PLAC1: variants seen among roughly 807,000 people sequenced by gnomAD.
PLAC1 encodes placenta-specific protein 1.
For missense variants in PLAC1, 136 were observed against 163.2 expected (o/e 0.83, Z 0.91); for synonymous variants, 68 against 62.1 (o/e 1.09, Z -0.44).
intron 2 of PLAC1, among the ~76,000 whole-genome samples, chrX:134,671,413 T>C (rs2147810852): frequency 9.0e-6 from 1 of 111,299 alleles, no homozygotes; most frequent in Non-Finnish European, 1.9e-5. Context: ...GTTGTATTAG[T>C]CCGTTTTCAC....
intron 2 of PLAC1, among the ~76,000 whole-genome samples, chrX:134,716,278 C>T (rs985592345): frequency 2.7e-5 from 3 of 112,446 alleles, no homozygotes; most frequent in Non-Finnish European, 3.8e-5. Context: ...CGGGGAGCCA[C>T]GAGCTTCACA....
chrX:134,612,370 C>A (rs768654494), intron 1 of PLAC1, among the ~76,000 whole-genome samples: 1 of 111,943 alleles, frequency 8.9e-6, no homozygotes, highest in Non-Finnish European at 1.9e-5. Context: ...AGCACAGTGC[C>A]GGACACATAG....
intron 2 of PLAC1, among the ~76,000 whole-genome samples, chrX:134,713,045 C>T (rs1389672711): frequency 8.9e-6 from 1 of 112,143 alleles, no homozygotes; most frequent in Admixed American, 9.5e-5. Context: ...CACTTTCCAA[C>T]CAATCACAAT....
chrX:134,623,589 A>G (rs2078221775), intron 1 of PLAC1, among the ~76,000 whole-genome samples: 1 of 111,939 alleles, frequency 8.9e-6, no homozygotes, highest in African/African-American at 3.2e-5. Flanking sequence ...GCTAGTAAGC[A>G]CTCTAATCCA....
intron 2 of PLAC1, among the ~76,000 whole-genome samples, chrX:134,587,830 A>C (rs2124370469): frequency 8.9e-6 from 1 of 112,262 alleles, no homozygotes; most frequent in East Asian, 2.8e-4. Context: ...GTTGTTCATA[A>C]GACCCACTAG....
At chrX:134,714,242 C>T (rs896357293) in intron 2 of PLAC1, among the ~76,000 whole-genome samples, 5 of 110,960 alleles carry the variant, frequency 4.5e-5, no homozygotes, top group Admixed American at 2.9e-4. Flanking sequence ...AAACCTCCAA[C>T]TTTTGTATTT....
intron 1 of PLAC1, among the ~76,000 whole-genome samples, chrX:134,746,389 C>G (rs1176887925): frequency 8.9e-6 from 1 of 112,121 alleles, no homozygotes; most frequent in Non-Finnish European, 1.9e-5. Context: ...TTACATCTCT[C>G]TGCTGTTGGT....
chrX:134,744,050 G>A (rs1175335210), intron 1 of PLAC1, among the ~76,000 whole-genome samples: 7 of 111,760 alleles, frequency 6.3e-5, no homozygotes, highest in South Asian at 3.7e-4. Context: ...TTGGGAGGCC[G>A]AGGCGGGTGG....
At chrX:134,626,543 G>A (rs1366410559) in intron 1 of PLAC1, among the ~76,000 whole-genome samples, 2 of 112,137 alleles carry the variant, frequency 1.8e-5, no homozygotes, top group East Asian at 2.8e-4. Context: ...CTCTCTGGGA[G>A]AGACAGCTTG....
chrX:134,665,674 G>A (rs755620642), intron 2 of PLAC1, among the ~76,000 whole-genome samples: 13 of 111,026 alleles, frequency 1.2e-4, no homozygotes, highest in Non-Finnish European at 2.4e-4. Context: ...GCTGAGAGAC[G>A]ACAGGTTGAG....
chrX:134,591,542 C>T (rs1167000116), intron 2 of PLAC1, among the ~76,000 whole-genome samples: 1 of 112,540 alleles, frequency 8.9e-6, no homozygotes, highest in African/African-American at 3.2e-5. Flanking sequence ...TAACTACTCA[C>T]TTATTGAAGG....
At chrX:134,701,025 G>A (rs1042811580) in intron 2 of PLAC1, among the ~76,000 whole-genome samples, 2 of 111,795 alleles carry the variant, frequency 1.8e-5, no homozygotes, top group African/African-American at 6.5e-5. Context: ...CACATTACAC[G>A]ACTTCAAACT....
chrX:134,749,406 G>T (rs1053431781), intron 1 of PLAC1, among the ~76,000 whole-genome samples: 4 of 111,763 alleles, frequency 3.6e-5, no homozygotes, highest in African/African-American at 1.3e-4. Context: ...AAAGTGGGAG[G>T]ATCCCTTGAA....
At chrX:134,722,535 G>GGAGTGACTGCTAACATGTAAT (rs755121982) in intron 2 of PLAC1, among the ~76,000 whole-genome samples, 41 of 111,612 alleles carry the variant, frequency 3.7e-4, no homozygotes, top group African/African-American at 1.2e-3. Context: ...GAGGAAATGG[G>GGAGTGACTGCTAACATGTAAT]GAGTGACTGC....
At chrX:134,704,992 CA>C (rs2078597922) in intron 2 of PLAC1, among the ~76,000 whole-genome samples, 2 of 82,791 alleles carry the variant, frequency 2.4e-5, no homozygotes, top group South Asian at 5.0e-4. Flanking sequence ...GACTCCAACT[CA>C]AAAAAATTAT....
intron 2 of PLAC1, among the ~76,000 whole-genome samples, chrX:134,699,006 T>G (rs1234539468): frequency 1.8e-5 from 2 of 111,509 alleles, no homozygotes; most frequent in East Asian, 5.6e-4. Context: ...ATCTATCAAG[T>G]CTTTTCAAGT....
intron 2 of PLAC1, among the ~76,000 whole-genome samples, chrX:134,692,590 T>C (rs2147822591): frequency 8.9e-6 from 1 of 112,351 alleles, no homozygotes; most frequent in East Asian, 2.8e-4. Context: ...CCTATAACCC[T>C]GTCCACCTTT....
At chrX:134,740,370 G>A (rs913471692) in intron 1 of PLAC1, among the ~76,000 whole-genome samples, 8 of 110,103 alleles carry the variant, frequency 7.3e-5, no homozygotes, top group Non-Finnish European at 1.5e-4. Flanking sequence ...CAATGAGAGT[G>A]AATGATCAAC....
intron 1 of PLAC1, among the ~76,000 whole-genome samples, chrX:134,648,029 G>A (rs1487727956): frequency 9.0e-6 from 1 of 111,423 alleles, no homozygotes; most frequent in Non-Finnish European, 1.9e-5. Flanking sequence ...TGATTTTAAG[G>A]GCACTGAGTA....
Sources: allele counts gnomAD v4.1 joint callset (sites outside exome capture counted in the v4.1 genomes callset), GRCh38; gene constraint gnomAD v4.1.1; transcripts MANE v1.5; gene names NCBI Gene and HGNC (gene_info 2026-07-23, HGNC 2026-07-21).